Variants in TXNDC16 observed in about 807,000 individuals in gnomAD.
TXNDC16 encodes the protein thioredoxin domain-containing protein 16.
Under a neutral mutation model 85.6 loss-of-function variants are expected in TXNDC16, and 74 were observed. That is an observed-to-expected ratio of 0.86 (90% CI 0.72 to 1.05). The LOEUF is 1.05. TXNDC16 is among the 50% of genes least tolerant of loss of function. TXNDC16 has a pLI of 0.00. For missense variants in TXNDC16, 959 were observed against 947.0 expected (o/e 1.01, Z -0.17); for synonymous variants, 335 against 326.5 (o/e 1.03, Z -0.28).
At chr14:52,473,166 A>T (rs1221644252) in intron 14 of TXNDC16, among the ~76,000 whole-genome samples, 1 of 152,094 alleles carries the variant, frequency 6.6e-6, no homozygotes, top group Non-Finnish European at 1.5e-5. Flanking sequence ...TTCCACTTGG[A>T]GATGCCTTCC....
chr14:52,541,448 G>C (rs1316203875), intron 4 of TXNDC16, among the ~76,000 whole-genome samples: 1 of 152,094 alleles, frequency 6.6e-6, no homozygotes. Context: ...GAGATCCTTG[G>C]AGATGATTGC....
Position 52,432,397 on chromosome 14 carries a change from C to T in TXNDC16, c.2385G>A (p.Leu795=). Residue 795 remains leucine, a synonymous_variant, in exon 21 of 21, where the codon CTG becomes CTA. Transcript: ENST00000281741. ...TACTTCTATTCCAATGCTTTATTCTCAGAGTTTCAATCGGTTCTTTTCTGA... is the reference window on the plus strand; with the variant it reads ...TACTTCTATTCCAATGCTTTATTCTTAGAGTTTCAATCGGTTCTTTTCTGA... ...SAVRKEPIET[L]RIKHWNRSNW... The T allele has an allele frequency of 1.2e-6, 2 of 1,614,000 alleles. No individual in the cohort carries two copies. The highest frequency in any genetic ancestry group is 1.7e-6 in the Non-Finnish European group (2 of 1,179,956).
intron 6 of TXNDC16, among the ~76,000 whole-genome samples, chr14:52,528,879 ATATT>A (rs1033174739): frequency 6.8e-6 from 1 of 147,324 alleles, no homozygotes; most frequent in Non-Finnish European, 1.5e-5. Flanking sequence ...CCTATTATAT[ATATT>A]ATCTATAATA....
At position 52,490,405 on chromosome 14, in the gene TXNDC16, T is replaced by C; in HGVS notation, c.970A>G (p.Lys324Glu). 6.3e-7 allele frequency: 1 copy of C among 1,599,022 alleles called. No homozygotes were observed. The highest frequency in any genetic ancestry group is 2.3e-5 in the East Asian group (1 of 44,182). Residue 324 changes from lysine (K) to glutamate (E), a missense_variant, in exon 11 of 21, where the codon AAA (lysine) becomes GAA (glutamate). Coordinates refer to ENST00000281741, the MANE Select transcript of TXNDC16 (RefSeq NM_020784.3). ...NIPQDANVVF[K>E]RAEEGVPVEF... is the part of the protein sequence containing the mutation. The stretch of plus-strand genomic sequence containing the variant: ...AAACAACTAACCTCTTCTGCTCTTT[T>C]GAAGACCACATTAGCATCTTGAGGA...
intron 8 of TXNDC16, among the ~76,000 whole-genome samples, chr14:52,514,146 C>T (rs939722575): frequency 1.2e-4 from 18 of 152,144 alleles, no homozygotes; most frequent in African/African-American, 3.9e-4. Flanking sequence ...AAAGTCATTT[C>T]ACCTTATCAG....
chr14:52,503,406 G>C (rs887763786), intron 9 of TXNDC16, among the ~76,000 whole-genome samples: 1 of 152,188 alleles, frequency 6.6e-6, no homozygotes, highest in Admixed American at 6.5e-5. Context: ...AGCAACATTT[G>C]CTGTTCACCA....
rs532179953 is a variant in TXNDC16, at chr14:52,455,261, A to G, written c.1842+63T>C. On this transcript the variant is annotated intron_variant, in intron 18 of 20. Transcript: ENST00000281741. ...AAAATGGAAAAATGTGTATGAACAT[A>G]TACTACCTTTGACTGATCTAGATTT... is the stretch of plus-strand genomic sequence containing the variant. 1.9e-6 allele frequency: 3 copies of G among 1,585,316 alleles called. No homozygotes were observed. In the African/African-American group the frequency reaches 4.0e-5, roughly 21 times the overall value.
intron 20 of TXNDC16, among the ~76,000 whole-genome samples, chr14:52,435,877 G>C (rs1270785727): frequency 6.6e-6 from 1 of 152,112 alleles, no homozygotes; most frequent in African/African-American, 2.4e-5. Flanking sequence ...TACTTGGAAG[G>C]CTGAGGTAGG....
intron 14 of TXNDC16, among the ~76,000 whole-genome samples, chr14:52,477,011 G>A (rs1435611046): frequency 6.6e-6 from 1 of 152,152 alleles, no homozygotes; most frequent in Non-Finnish European, 1.5e-5. Flanking sequence ...AAGGATTGGG[G>A]CCCTATCTTC....
rs2038079071 is a variant in TXNDC16 at position 52,552,460 on chromosome 14, A to T, written c.-326T>A. On this transcript the variant is annotated 5_prime_UTR_variant, in exon 1 of 21. Transcript: ENST00000281741. The stretch of plus-strand genomic sequence containing the variant: ...GCCTGGAACCACTTCGCCAACCTGC[A>T]AAGGCGTAGCACTTCTCCCTCCCAG... 6.6e-6 allele frequency: 1 copy of T among 152,220 alleles called. No homozygotes were observed. The highest frequency in any genetic ancestry group is 2.1e-4 in the South Asian group (1 of 4,828). The allele number at this position is 152,220 out of a possible 1,614,324, so 9.4% of individuals were successfully genotyped here.
chr14:52,534,915 A>G (rs1300778706), intron 6 of TXNDC16, among the ~76,000 whole-genome samples: 1 of 152,170 alleles, frequency 6.6e-6, no homozygotes, highest in Non-Finnish European at 1.5e-5. Flanking sequence ...CACTAAGAAC[A>G]GGACACTACT....
chr14:52,493,283 T>C (rs2036457372), intron 9 of TXNDC16, among the ~76,000 whole-genome samples: 1 of 150,620 alleles, frequency 6.6e-6, no homozygotes, highest in South Asian at 2.1e-4. Flanking sequence ...TCCAATCAGC[T>C]TCTAGTTTCA....
intron 9 of TXNDC16, among the ~76,000 whole-genome samples, chr14:52,501,289 T>C (rs1171077229): frequency 6.6e-6 from 1 of 152,006 alleles, no homozygotes; most frequent in Non-Finnish European, 1.5e-5. Flanking sequence ...TAAACACACA[T>C]ACAAAAGCAA....
At chr14:52,465,838 T>C (rs2140126752) in intron 16 of TXNDC16, among the ~76,000 whole-genome samples, 1 of 152,224 alleles carries the variant, frequency 6.6e-6, no homozygotes, top group Admixed American at 6.5e-5. Flanking sequence ...TGTAAAACTA[T>C]CAAAGTAAAA....
In TXNDC16 at chr14:52,520,533, C is replaced by T. The variant is rs1438107330; in HGVS notation, c.393-1240G>A. 2.0e-5 allele frequency among the ~76,000 whole-genome samples: 3 copies of T among 152,170 alleles called. No individual in the cohort carries two copies. The East Asian group carries it at 5.8e-4, about 29-fold the overall frequency. ...GCTGAGGCAGGAGAATGGCATGAACCCGGGAGGAGGAGTTTGCAGTGAGCT... is the reference window on the plus strand; with the variant it reads ...GCTGAGGCAGGAGAATGGCATGAACTCGGGAGGAGGAGTTTGCAGTGAGCT... On this transcript the variant is annotated intron_variant, in intron 6 of 20. Coordinates refer to ENST00000281741, the MANE Select transcript of TXNDC16 (RefSeq NM_020784.3).
At chr14:52,463,190 C>T (rs886958047) in intron 16 of TXNDC16, among the ~76,000 whole-genome samples, 17 of 128,764 alleles carry the variant, frequency 1.3e-4, no homozygotes, top group Non-Finnish European at 9.9e-5. Flanking sequence ...AAACCCAGTT[C>T]AGATAAAAAA....
chr14:52,481,124 A>G (rs2036142014), intron 14 of TXNDC16, among the ~76,000 whole-genome samples: 1 of 151,770 alleles, frequency 6.6e-6, no homozygotes, highest in Non-Finnish European at 1.5e-5. Context: ...TCTCACTCAT[A>G]TTTGGGAGCT....
intron 6 of TXNDC16, among the ~76,000 whole-genome samples, chr14:52,531,468 A>G (rs2037578582): frequency 6.6e-6 from 1 of 152,176 alleles, no homozygotes; most frequent in Admixed American, 6.6e-5. Flanking sequence ...ATTCAGTGGA[A>G]TATTATTCAG....
At chr14:52,544,554 A>G (rs2037901793) in intron 1 of TXNDC16, among the ~76,000 whole-genome samples, 183 bp from the exon 2 acceptor site, 2 of 152,106 alleles carry the variant, frequency 1.3e-5, no homozygotes, top group Non-Finnish European at 2.9e-5. Context: ...CTATATACTC[A>G]TAAGGATAAA....
Sources: gnomAD v4.1 joint callset for allele counts (sites outside exome capture counted in the v4.1 genomes callset) on GRCh38, gnomAD v4.1.1 for gene constraint, MANE v1.5 for transcripts, NCBI Gene and HGNC (gene_info 2026-07-23, HGNC 2026-07-21) for gene names.